CCDC60: variants seen among roughly 807,000 people sequenced by gnomAD.
The protein encoded by CCDC60 is coiled-coil domain-containing protein 60.
A neutral mutation model predicts 63.5 loss-of-function variants in CCDC60; 54 were observed. That is an observed-to-expected ratio of 0.85 (90% CI 0.68 to 1.07). The LOEUF is 1.07. Among genes scored for constraint, CCDC60 ranks in the 50% least tolerant of loss-of-function variants. CCDC60 has a pLI of 0.00. For synonymous variants in CCDC60, 206 were observed against 238.8 expected (o/e 0.86, Z 1.27); for missense variants, 651 against 684.3 (o/e 0.95, Z 0.54).
intron 3 of CCDC60, among the ~76,000 whole-genome samples, chr12:119,477,291 CAT>C (rs1414881280): frequency 6.6e-6 from 1 of 152,224 alleles, no homozygotes; most frequent in Non-Finnish European, 1.5e-5. Context: ...GCCAAATGAA[CAT>C]AGACCTACCT....
intron 2 of CCDC60, among the ~76,000 whole-genome samples, chr12:119,434,254 T>C (rs1950286988): frequency 6.8e-6 from 1 of 148,046 alleles, no homozygotes; most frequent in African/African-American, 2.5e-5. Flanking sequence ...AAAGGTGGAA[T>C]TTGGGGCAGA....
intron 7 of CCDC60, among the ~76,000 whole-genome samples, chr12:119,513,890 A>G (rs1952281284): frequency 6.6e-6 from 1 of 152,230 alleles, no homozygotes; most frequent in South Asian, 2.1e-4. Context: ...GTACTGGTTT[A>G]TATAAGTACT....
intron 7 of CCDC60, among the ~76,000 whole-genome samples, chr12:119,514,421 T>C (rs1952298479): frequency 6.6e-6 from 1 of 151,268 alleles, no homozygotes; most frequent in African/African-American, 2.4e-5. Flanking sequence ...ACTCCCATCA[T>C]CAGGTGATCC....
chr12:119,464,306 C>A (rs1385154307), intron 2 of CCDC60, among the ~76,000 whole-genome samples: 3 of 125,566 alleles, frequency 2.4e-5, no homozygotes, highest in Non-Finnish European at 3.3e-5. Flanking sequence ...AGCAACCCCC[C>A]CCCCACTCTT....
chr12:119,433,399 C>T (rs1593080485), intron 2 of CCDC60: 3 of 702,184 alleles, frequency 4.3e-6, no homozygotes, highest in East Asian at 2.7e-5. Flanking sequence ...CTCCCACTGC[C>T]GGACACAAAG....
intron 1 of CCDC60, among the ~76,000 whole-genome samples, chr12:119,383,019 A>G (rs1186462083): frequency 6.6e-6 from 1 of 152,236 alleles, no homozygotes; most frequent in East Asian, 1.9e-4. Flanking sequence ...TCTTGCAGGC[A>G]TAACCCTGGG....
chr12:119,437,355 C>T (rs1249982286), intron 2 of CCDC60, among the ~76,000 whole-genome samples: 1 of 152,192 alleles, frequency 6.6e-6, no homozygotes, highest in East Asian at 1.9e-4. Flanking sequence ...CTCTTTTATT[C>T]GAACCCAGAT....
At chr12:119,453,950 T>C (rs752607418) in intron 2 of CCDC60, among the ~76,000 whole-genome samples, 12 of 152,168 alleles carry the variant, frequency 7.9e-5, no homozygotes, top group Non-Finnish European at 1.8e-4. Flanking sequence ...AAAATGATAA[T>C]GTTACCATGT....
At chr12:119,360,893 G>A (rs1295279223) in intron 1 of CCDC60, among the ~76,000 whole-genome samples, 2 of 152,180 alleles carry the variant, frequency 1.3e-5, no homozygotes, top group Non-Finnish European at 2.9e-5. Flanking sequence ...CGGCACCTCG[G>A]GAGGCCGAGG....
At chr12:119,341,866 G>A (rs1955536230) in intron 1 of CCDC60, among the ~76,000 whole-genome samples, 1 of 152,192 alleles carries the variant, frequency 6.6e-6, no homozygotes, top group Admixed American at 6.5e-5. Flanking sequence ...TGTGTTAGTT[G>A]TAGAGAAGGG....
At chr12:119,434,314 G>A (rs1268271904) in intron 2 of CCDC60, among the ~76,000 whole-genome samples, 1 of 151,426 alleles carries the variant, frequency 6.6e-6, no homozygotes, top group Non-Finnish European at 1.5e-5. Flanking sequence ...ACTTCTTCTT[G>A]GTACTTCTTT....
At chr12:119,537,536 C>G (rs1481653575) in intron 13 of CCDC60, among the ~76,000 whole-genome samples, 1 of 152,230 alleles carries the variant, frequency 6.6e-6, no homozygotes, top group Non-Finnish European at 1.5e-5. Context: ...GGTTTCTCCC[C>G]ACCTTTGTGG....
At chr12:119,445,320 G>A (rs1293466277) in intron 2 of CCDC60, among the ~76,000 whole-genome samples, 6 of 151,088 alleles carry the variant, frequency 4.0e-5, no homozygotes, top group Middle Eastern at 3.2e-3. Context: ...TGTAGTCCCA[G>A]CTACTCGGGA....
At chr12:119,451,922 C>A (rs1023932018) in intron 2 of CCDC60, among the ~76,000 whole-genome samples, 1 of 152,150 alleles carries the variant, frequency 6.6e-6, no homozygotes, top group Non-Finnish European at 1.5e-5. Flanking sequence ...AGAACTGGCC[C>A]TCACCAAGAG....
intron 1 of CCDC60, among the ~76,000 whole-genome samples, chr12:119,426,345 T>C (rs1379442129): frequency 1.2e-5 from 1 of 82,546 alleles, no homozygotes; most frequent in East Asian, 6.6e-4. Flanking sequence ...TCTTTTATTT[T>C]TATTTATTTT....
intron 1 of CCDC60, among the ~76,000 whole-genome samples, chr12:119,424,148 T>C (rs1956861897): frequency 2.0e-5 from 3 of 152,228 alleles, no homozygotes; most frequent in African/African-American, 7.2e-5. Context: ...AGTACATATA[T>C]GCCTTGTCAT....
chr12:119,471,256 T>C (rs1247462361), intron 2 of CCDC60, among the ~76,000 whole-genome samples: 1 of 152,210 alleles, frequency 6.6e-6, no homozygotes. Flanking sequence ...GGTCCCAACA[T>C]ATGTTATTTG....
chr12:119,404,958 T>G (rs1310149046), intron 1 of CCDC60, among the ~76,000 whole-genome samples: 2 of 152,236 alleles, frequency 1.3e-5, no homozygotes, highest in East Asian at 1.9e-4. Flanking sequence ...ATTTGCATGA[T>G]GAACCTGCTT....
At chr12:119,405,100 C>T (rs1956462701) in intron 1 of CCDC60, among the ~76,000 whole-genome samples, 1 of 152,178 alleles carries the variant, frequency 6.6e-6, no homozygotes, top group Non-Finnish European at 1.5e-5. Flanking sequence ...TAAGCAAGTT[C>T]AGCTCATTTC....
Sources: allele counts gnomAD v4.1 joint callset (sites outside exome capture counted in the v4.1 genomes callset), GRCh38; gene constraint gnomAD v4.1.1; transcripts MANE v1.5; gene names NCBI Gene and HGNC (gene_info 2026-07-23, HGNC 2026-07-21).